The following DHX34 variants were observed in gnomAD, a reference collection of about 807,000 sequenced individuals.
The protein encoded by DHX34 is DExH-box helicase 34, also known as probable ATP-dependent RNA helicase DHX34.
DHX34 carries 96 observed loss-of-function variants against 111.1 expected under a neutral mutation model. That is an observed-to-expected ratio of 0.86 (90% CI 0.73 to 1.02). The LOEUF is 1.02. DHX34 is among the 50% of genes least tolerant of loss of function. DHX34 has a pLI of 0.00. For synonymous variants in DHX34, 688 were observed against 670.4 expected, an observed-to-expected ratio of 1.03 and a Z score of -0.41; for missense variants, 1,560 against 1,579.9, an observed-to-expected ratio of 0.99 and a Z score of 0.21.
intron 1 of DHX34, 51 bp from the exon 2 acceptor site, chr19:47,352,703 A>G (rs1036586766): frequency 1.1e-5 from 3 of 280,876 alleles, no homozygotes; most frequent in African/African-American, 2.2e-5. Context: ...CAAAACCAAA[A>G]AAAGCAATGT....
At chr19:47,368,626 GTGTGTA>G (rs1338038914) in intron 7 of DHX34, among the ~76,000 whole-genome samples, 1 of 146,426 alleles carries the variant, frequency 6.8e-6, no homozygotes, top group Non-Finnish European at 1.5e-5. Flanking sequence ...GTGTGTGTGT[GTGTGTA>G]TATATATACA....
At chr19:47,352,446 T>TG (rs1222228704) in intron 1 of DHX34, among the ~76,000 whole-genome samples, 1 of 151,980 alleles carries the variant, frequency 6.6e-6, no homozygotes, top group Non-Finnish European at 1.5e-5. Flanking sequence ...GAGGCTAAGG[T>TG]GGGGGAATTG....
intron 13 of DHX34, among the ~76,000 whole-genome samples, chr19:47,378,957 C>G (rs1396876131): frequency 6.7e-6 from 1 of 149,728 alleles, no homozygotes; most frequent in East Asian, 2.0e-4. Flanking sequence ...TGGTGAAACC[C>G]CATCTCTACT....
chr19:47,376,874 C>G (rs1393690692), intron 12 of DHX34: 2 of 1,533,208 alleles, frequency 1.3e-6, no homozygotes, highest in Non-Finnish European at 1.7e-6. Context: ...AGAGGGAGGC[C>G]CCCCTGGCAC....
intron 7 of DHX34, among the ~76,000 whole-genome samples, chr19:47,369,971 C>T (rs1212029254): frequency 1.3e-5 from 2 of 152,188 alleles, no homozygotes; most frequent in Non-Finnish European, 2.9e-5. Flanking sequence ...TGCTCCTCGT[C>T]CCCACGCTGT....
chr19:47,379,581 TGGC>T (rs1970283562), intron 13 of DHX34, 126 bp from the exon 14 acceptor site: 9 of 1,476,132 alleles, frequency 6.1e-6, no homozygotes, highest in South Asian at 4.2e-5. Flanking sequence ...AGCGGGTAGA[TGGC>T]GGGTAGGTGG....
chr19:47,374,308 G>A (rs766627516), intron 9 of DHX34, among the ~76,000 whole-genome samples: 21 of 151,812 alleles, frequency 1.4e-4, no homozygotes, highest in African/African-American at 4.4e-4. Context: ...ATGGTGGCAC[G>A]TGCCTGTAAT....
chr19:47,350,818 A>G (rs750394845), intron 1 of DHX34, among the ~76,000 whole-genome samples: 19 of 152,266 alleles, frequency 1.2e-4, no homozygotes, highest in Non-Finnish European at 2.5e-4. Context: ...GAGAAAAATC[A>G]GACTACAGAA....
At chr19:47,373,343 T>C in intron 8 of DHX34, 1 of 448,140 alleles carries the variant, frequency 2.2e-6, no homozygotes, top group Middle Eastern at 1.1e-3. Flanking sequence ...GACAGACCAC[T>C]GATGTGACAG....
chr19:47,357,464 G>T (rs139990135), intron 3 of DHX34, among the ~76,000 whole-genome samples: 3 of 152,146 alleles, frequency 2.0e-5, no homozygotes, highest in African/African-American at 7.2e-5. Context: ...CTCAATTAGG[G>T]GTGGTTTTGC....
chr19:47,379,641 G>A (rs1287827374), intron 13 of DHX34, 69 bp from the exon 14 acceptor site: 3 of 1,521,080 alleles, frequency 2.0e-6, no homozygotes, highest in African/African-American at 2.8e-5. Flanking sequence ...GCCCAGCCGG[G>A]CAGGGCCTGT....
chr19:47,361,816 A>G (rs1969640496), intron 5 of DHX34, among the ~76,000 whole-genome samples: 2 of 152,176 alleles, frequency 1.3e-5, no homozygotes, highest in Non-Finnish European at 2.9e-5. Flanking sequence ...TTGTTCTGAC[A>G]CTGGAGGAAA....
intron 9 of DHX34, among the ~76,000 whole-genome samples, chr19:47,373,983 C>T (rs1970053680): frequency 1.3e-5 from 2 of 152,112 alleles, no homozygotes; most frequent in South Asian, 2.1e-4. Flanking sequence ...GCTGCATGGG[C>T]ATGGTGTTGG....
Position 47,375,586 on chromosome 19 carries a change from G to A in DHX34, c.2185G>A (p.Glu729Lys), listed in dbSNP as rs372354286. The change falls in exon 10 of 17, where the codon GAG becomes AAG. Residue 729 changes from glutamate to lysine, a missense_variant. Transcript: ENST00000328771. ...CCTGCACCAGCTGAAACGCCAGCAC[G>A]AGGAGGGCGCGGGGCGCAGGCGCAA... ...RALHQLKRQH[E>K]EGAGRRRKVL... 5.9e-5 allele frequency: 92 copies of A among 1,546,758 alleles called. No homozygotes were observed. Among genetic ancestry groups the A allele is most frequent in the Non-Finnish European group, 6.8e-5 (78 of 1,149,870 alleles).
At chr19:47,367,638 C>T (rs1311273210) in intron 7 of DHX34, among the ~76,000 whole-genome samples, 1 of 152,106 alleles carries the variant, frequency 6.6e-6, no homozygotes, top group Non-Finnish European at 1.5e-5. Context: ...ACCTGTAATC[C>T]CAGCACTTTG....
chr19:47,377,336 G>C, intron 13 of DHX34, 130 bp downstream of exon 13: 1 of 940,644 alleles, frequency 1.1e-6, no homozygotes, highest in Non-Finnish European at 1.6e-6. Flanking sequence ...CGTCAGCCTT[G>C]GGCCGTTGCT....
chr19:47,381,331 A>G lies in DHX34; in HGVS notation c.3298+7A>G. ...CCACAGGATGGGCCCCCAGGTAAGC[A>G]CAGGACTGTGGGGACCCGGCCACCT... On this transcript the variant is annotated splice_region_variant and intron_variant, in intron 16 of 16. Coordinates refer to ENST00000328771, the MANE Select transcript of DHX34 (RefSeq NM_014681.6). 6.2e-7 allele frequency: 1 copy of G among 1,611,866 alleles called. No individual in the cohort carries two copies.
chr19:47,375,005 G>T (rs1461502972), intron 9 of DHX34, among the ~76,000 whole-genome samples: 1 of 152,182 alleles, frequency 6.6e-6, no homozygotes, highest in Non-Finnish European at 1.5e-5. Flanking sequence ...TGGAGGGTCT[G>T]TTGGGTCCAG....
rs764331112 is a variant in DHX34 at position 47,353,551 on chromosome 19, C to T, written c.521C>T (p.Thr174Met). The change falls in exon 2 of 17, where the codon ACG (threonine) becomes ATG (methionine). Residue 174 changes from threonine (T) to methionine (M), a missense_variant. Coordinates refer to ENST00000328771, the MANE Select transcript of DHX34 (RefSeq NM_014681.6). This position sits in a 1 kb window ranked among gnomAD's most constrained non-coding sequence, Gnocchi z 4.6. ...CAGTATGGGAACCGCATCCTGCAGA[C>T]GCTGAAGGAGCACCAGGTGGTGGTA... Reference protein sequence around the residue: ...IAQYGNRILQTLKEHQVVVVA... With the variant: ...IAQYGNRILQMLKEHQVVVVA... 1.4e-5 allele frequency: 22 copies of T among 1,613,354 alleles called. No individual in the cohort carries two copies. Among genetic ancestry groups the T allele is most frequent in the African/African-American group, 6.7e-5 (5 of 74,954 alleles).
Sources: gnomAD v4.1 joint callset for allele counts (sites outside exome capture counted in the v4.1 genomes callset) on GRCh38, gnomAD v4.1.1 for gene constraint, Gnocchi (gnomAD v3.1) non-coding constraint, MANE v1.5 for transcripts, NCBI Gene and HGNC (gene_info 2026-07-23, HGNC 2026-07-21) for gene names.